COL15A1: variants seen among roughly 807,000 people sequenced by gnomAD.
The protein encoded by COL15A1 is collagen type XV alpha 1 chain.
Under a neutral mutation model 165.9 loss-of-function variants are expected in COL15A1, and 111 were observed. That is an observed-to-expected ratio of 0.67 (90% CI 0.57 to 0.78). The LOEUF (loss-of-function observed/expected upper bound fraction) is 0.78, where lower values mean the gene tolerates loss of function less well. COL15A1 is among the 30% of genes least tolerant of loss of function. COL15A1 has a pLI of 0.00. For synonymous variants in COL15A1, 659 were observed against 674.8 expected, an observed-to-expected ratio of 0.98 and a Z score of 0.36; for missense variants, 1,745 against 1,789.7, an observed-to-expected ratio of 0.98 and a Z score of 0.45.
chr9:98,970,288 C>T (rs1838025316), intron 2 of COL15A1, among the ~76,000 whole-genome samples: 1 of 152,238 alleles, frequency 6.6e-6, no homozygotes, highest in Admixed American at 6.5e-5. Flanking sequence ...TGTACTATTT[C>T]TAGATAGCTT....
chr9:99,052,460 T>C, intron 31 of COL15A1, 27 bp downstream of exon 31: 1 of 1,562,168 alleles, frequency 6.4e-7, no homozygotes, highest in Non-Finnish European at 8.8e-7. Flanking sequence ...TCATCATTTG[T>C]TTCTCTGGGA....
chr9:99,011,128 G>A (rs879308310), intron 9 of COL15A1, among the ~76,000 whole-genome samples: 27 of 152,074 alleles, frequency 1.8e-4, no homozygotes, highest in African/African-American at 5.8e-4. Flanking sequence ...AATAAAAGTC[G>A]AACTTTGTGT....
intron 35 of COL15A1, among the ~76,000 whole-genome samples, chr9:99,058,141 A>G (rs1323464014): frequency 1.3e-5 from 2 of 152,324 alleles, no homozygotes; most frequent in East Asian, 1.9e-4. Flanking sequence ...TCCTCTGCAC[A>G]GCGGGAAATA....
Position 99,042,028 on chromosome 9 carries a change from A to T in COL15A1, c.2512-17A>T. ...ATCTTAACGAACAACCAAATACTAT[A>T]TAACAATTCCTTCCAGGGTCCTAGA... On this transcript the variant is annotated splice_polypyrimidine_tract_variant and intron_variant, in intron 23 of 41. Coordinates refer to ENST00000375001, the MANE Select transcript of COL15A1 (RefSeq NM_001855.5). 6.4e-7 allele frequency: 1 copy of T among 1,568,020 alleles called. No homozygotes were observed. Among genetic ancestry groups the T allele is most frequent in the Non-Finnish European group, 8.8e-7 (1 of 1,141,682 alleles).
intron 2 of COL15A1, among the ~76,000 whole-genome samples, chr9:98,964,209 C>G (rs1264767824): frequency 6.6e-6 from 1 of 151,062 alleles, no homozygotes; most frequent in Non-Finnish European, 1.5e-5. Context: ...TCCCCTCCCA[C>G]CCCCCCATTC....
chr9:98,995,985 G>C (rs1838537571), intron 5 of COL15A1, among the ~76,000 whole-genome samples: 1 of 152,170 alleles, frequency 6.6e-6, no homozygotes, highest in Non-Finnish European at 1.5e-5. Context: ...ATCCAGGTCT[G>C]ACTGTAAGAA....
At chr9:99,000,728 C>G in intron 6 of COL15A1, 111 bp from the exon 7 acceptor site, 2 of 690,288 alleles carry the variant, frequency 2.9e-6, no homozygotes, top group Non-Finnish European at 5.2e-6. Flanking sequence ...CCTCTTGACC[C>G]TGTGTCATGG....
At chr9:99,026,544 G>A (rs1049462383) in intron 16 of COL15A1, among the ~76,000 whole-genome samples, 4 of 152,194 alleles carry the variant, frequency 2.6e-5, no homozygotes, top group East Asian at 1.9e-4. Context: ...TTCCTGATTC[G>A]CACAAGCTGC....
chr9:98,997,016 C>G lies in COL15A1; in HGVS notation c.887C>G (p.Pro296Arg), dbSNP rs778697709. The G allele has an allele frequency of 1.9e-6, 3 of 1,614,114 alleles. No individual in the cohort carries two copies. Among genetic ancestry groups the G allele is most frequent in the Admixed American group, 1.7e-5 (1 of 60,006 alleles). The change falls in exon 6 of 42, where the codon CCT becomes CGT. Residue 296 changes from proline to arginine, a missense_variant. By Grantham distance (103) the Pro-to-Arg change is moderately radical. Transcript: ENST00000375001. ...PFEDMELSGE[P>R]VPEGTLETTN... ...GAAGACATGGAACTTTCTGGTGAAC[C>G]TGTACCCGAGGGGACCCTGGAAACC...
rs891451776 is a variant in COL15A1, at chr9:98,976,157, G to A, written c.101-9408G>A. On this transcript the variant is annotated intron_variant, in intron 2 of 41. Coordinates refer to ENST00000375001, the MANE Select transcript of COL15A1 (RefSeq NM_001855.5). The stretch of plus-strand genomic sequence containing the variant: ...CTCCATGTCTCCAGCACTACACAAG[G>A]CACAATGTGGGAGCTTTAGAAATAT... 3.9e-5 allele frequency among the ~76,000 whole-genome samples: 6 copies of A among 152,204 alleles called. 1 individual carries two copies. Among genetic ancestry groups the A allele is most frequent in the African/African-American group, 1.2e-4 (5 of 41,456 alleles).
intron 2 of COL15A1, among the ~76,000 whole-genome samples, chr9:98,971,846 G>A (rs1252876166): frequency 2.6e-5 from 4 of 152,162 alleles, no homozygotes; most frequent in African/African-American, 9.7e-5. Context: ...GTCACAGGAT[G>A]GGGGAGCCAC....
At chr9:99,001,151 G>A (rs1564043743) in intron 7 of COL15A1, among the ~76,000 whole-genome samples, 200 bp downstream of exon 7, 1 of 152,304 alleles carries the variant, frequency 6.6e-6, no homozygotes, top group East Asian at 1.9e-4. Context: ...CACAGGACTG[G>A]TGGGGGATAT....
intron 13 of COL15A1, 81 bp from the exon 14 acceptor site, chr9:99,023,276 T>C: frequency 6.8e-7 from 1 of 1,479,936 alleles, no homozygotes; most frequent in Non-Finnish European, 9.0e-7. Context: ...CATTTCCCCA[T>C]TTTGGAGAAA....
chr9:99,011,442 C>T (rs1410176180), intron 9 of COL15A1, among the ~76,000 whole-genome samples: 1 of 138,950 alleles, frequency 7.2e-6, no homozygotes, highest in Non-Finnish European at 1.5e-5. Flanking sequence ...TATTCTAGGA[C>T]AAAATTTACC....
intron 27 of COL15A1, 27 bp downstream of exon 27, chr9:99,047,866 C>T: frequency 6.2e-7 from 1 of 1,613,064 alleles, no homozygotes; most frequent in Non-Finnish European, 8.5e-7. Context: ...ATTGGACAGG[C>T]TGGAGGGGGA....
intron 16 of COL15A1, among the ~76,000 whole-genome samples, chr9:99,029,744 C>T (rs909884903): frequency 3.3e-5 from 5 of 151,826 alleles, no homozygotes; most frequent in Non-Finnish European, 5.9e-5. Context: ...GTCAACATGG[C>T]GAAACCCCAT....
intron 14 of COL15A1, among the ~76,000 whole-genome samples, 157 bp downstream of exon 14, chr9:99,023,606 C>G (rs1839064403): frequency 6.6e-6 from 1 of 152,160 alleles, no homozygotes; most frequent in Non-Finnish European, 1.5e-5. Flanking sequence ...TTTCCTTGTG[C>G]TTGTATATAT....
At chr9:99,029,873 C>T (rs1022956594) in intron 16 of COL15A1, among the ~76,000 whole-genome samples, 5 of 150,950 alleles carry the variant, frequency 3.3e-5, no homozygotes, top group South Asian at 2.1e-4. Flanking sequence ...TGCAGTGAGC[C>T]GAGATCGTGC....
chr9:99,019,019 G>A (rs10819587), intron 11 of COL15A1, among the ~76,000 whole-genome samples: 13,438 of 152,174 alleles, frequency 0.088, 834 homozygotes, highest in East Asian at 0.22. Context: ...GAGATAGAAT[G>A]AGAGAGAGAA....
Sources: allele counts gnomAD v4.1 joint callset (sites outside exome capture counted in the v4.1 genomes callset), GRCh38; gene constraint gnomAD v4.1.1; transcripts MANE v1.5; gene names NCBI Gene and HGNC (gene_info 2026-07-23, HGNC 2026-07-21).